The following GPR84 variants were observed in gnomAD, a reference collection of about 807,000 sequenced individuals.
GPR84 encodes G-protein coupled receptor 84.
Under a neutral mutation model 14.9 loss-of-function variants are expected in GPR84, and 8 were observed. That is an observed-to-expected ratio of 0.54 (90% confidence interval 0.31 to 0.97). The LOEUF is 0.97. Ranked by LOEUF, GPR84 falls within the 50% of genes least tolerant of loss-of-function variation. The pLI, the probability that GPR84 is intolerant of heterozygous loss-of-function variation, is 0.04. For missense variants in GPR84, 424 were observed against 498.7 expected (o/e 0.85, Z 1.43); for synonymous variants, 164 against 198.1 (o/e 0.83, Z 1.45).
chr12:54,363,134 C>T lies in GPR84; in HGVS notation c.718G>A (p.Glu240Lys). ...CCTGATGCTAACCTGCTGTCCAGCT[C>T]CTGGAAACGACCAGGCATGGCCTCA... is the stretch of plus-strand genomic sequence containing the variant. ...TDEAMPGRFQ[E>K]LDSRLASGGP... The change falls in exon 2 of 2, where the codon GAG becomes AAG. Residue 240 changes from glutamate (E) to lysine (K), a missense_variant. Transcript: ENST00000267015. The T allele has an allele frequency of 1.9e-6, 3 of 1,614,228 alleles. No individual in the cohort carries two copies. Among genetic ancestry groups the T allele is most frequent in the Non-Finnish European group, 1.7e-6 (2 of 1,180,044 alleles).
Position 54,363,055 on chromosome 12 carries a change from G to A in GPR84, c.797C>T (p.Thr266Ile). 6.2e-7 allele frequency: 1 copy of A among 1,614,164 alleles called. No homozygotes were observed. Among genetic ancestry groups the A allele is most frequent in the Non-Finnish European group, 8.5e-7 (1 of 1,180,026 alleles). The change falls in exon 2 of 2, where the codon ACC (threonine) becomes ATC (isoleucine). Residue 266 changes from threonine to isoleucine, a missense_variant. Transcript: ENST00000267015. Reference protein sequence around the residue: ...SEPVSAATTQTLEGDSSEVGD... With the variant: ...SEPVSAATTQILEGDSSEVGD... ...CACTTCTGATGAGTCCCCTTCCAGG[G>A]TCTGGGTGGTGGCAGCACTGACTGG...
At chr12:54,355,356 G>A in the GPR84 span, among the ~76,000 whole-genome samples, 1 of 151,902 alleles carries the variant, frequency 6.6e-6, no homozygotes, top group African/African-American at 2.4e-5. Context: ...GTGTGTGTGC[G>A]CATGGCACAT....
chr12:54,354,057 T>C, the GPR84 span, among the ~76,000 whole-genome samples: 2 of 152,084 alleles, frequency 1.3e-5, no homozygotes, highest in African/African-American at 2.4e-5. Context: ...GAGAGAACTT[T>C]AAGTCCGCAC....
chr12:54,364,103 AAT>A, intron 1 of GPR84: 1 of 419,606 alleles, frequency 2.4e-6, no homozygotes, highest in Non-Finnish European at 4.3e-6. Context: ...CTCTTGCCTA[AAT>A]ATCTTAGTCT....
chr12:54,363,693 G>T lies in GPR84; in HGVS notation c.159C>A (p.Thr53=). The stretch of plus-strand genomic sequence containing the variant: ...GGTTGGCTATGAGCAGGTTGAATCG[G>T]GTACGGAGCTTGGGCTGGATGGCCA... ...LALAIQPKLR[T]RFNLLIANLT... is the part of the protein sequence containing the mutation. The change falls in exon 2 of 2, where the codon ACC becomes ACA. Residue 53 remains threonine (T), a synonymous_variant. Transcript: ENST00000267015. 6.2e-7 allele frequency: 1 copy of T among 1,614,072 alleles called. No homozygotes were observed. The highest frequency in any genetic ancestry group is 8.5e-7 in the Non-Finnish European group (1 of 1,179,992).
chr12:54,351,645 C>G, the GPR84 span: 4 of 152,216 alleles, frequency 2.6e-5, no homozygotes, highest in African/African-American at 9.7e-5. Flanking sequence ...AGAACTTCCT[C>G]CCCACAAAAA....
downstream of GPR84, among the ~76,000 whole-genome samples, chr12:54,359,262 G>T (rs182026945): frequency 6.6e-6 from 1 of 152,174 alleles, no homozygotes; most frequent in African/African-American, 2.4e-5. Flanking sequence ...TCGTAAATCG[G>T]CCTGTCAAGC....
the GPR84 span, among the ~76,000 whole-genome samples, chr12:54,356,128 G>A: frequency 9.9e-3 from 1,511 of 152,216 alleles, 24 homozygotes; most frequent in African/African-American, 0.034. Context: ...ACAGATGAGA[G>A]GGACTGTCCT....
the GPR84 span, among the ~76,000 whole-genome samples, chr12:54,355,749 T>G: frequency 6.6e-6 from 1 of 152,090 alleles, no homozygotes; most frequent in Non-Finnish European, 1.5e-5. Context: ...AAAGACAGGA[T>G]TTATCACCAG....
chr12:54,352,619 G>A, the GPR84 span, among the ~76,000 whole-genome samples: 49 of 152,242 alleles, frequency 3.2e-4, no homozygotes, highest in Non-Finnish European at 6.5e-4. Flanking sequence ...ATTAAGCAAG[G>A]GAGACCAAAT....
the GPR84 span, among the ~76,000 whole-genome samples, chr12:54,353,396 G>A: frequency 6.0e-5 from 9 of 151,232 alleles, no homozygotes; most frequent in South Asian, 8.4e-4. Context: ...CCTGAACAGT[G>A]CCAGACACCT....
chr12:54,358,596 T>C (rs572787918), downstream of GPR84, among the ~76,000 whole-genome samples: 15 of 152,220 alleles, frequency 9.9e-5, no homozygotes, highest in African/African-American at 3.6e-4. Flanking sequence ...TTCAGAGCCA[T>C]TGTGTGAAAA....
At position 54,363,697 on chromosome 12, in the gene GPR84, C is replaced by T. The variant is rs149788476; in HGVS notation, c.155G>A (p.Arg52His). 706 of 1,613,988 alleles carry T rather than the reference C, an allele frequency of 4.4e-4. 1 individual carries two copies. The highest frequency in any genetic ancestry group is 4.6e-4 in the Non-Finnish European group (537 of 1,179,946). The change falls in exon 2 of 2, where the codon CGT (arginine) becomes CAT (histidine). Residue 52 changes from arginine to histidine, a missense_variant. By Grantham distance (29) the Arg-to-His change is conservative. Transcript: ENST00000267015. The stretch of plus-strand genomic sequence containing the variant: ...GGCTATGAGCAGGTTGAATCGGGTA[C>T]GGAGCTTGGGCTGGATGGCCAAGGC... ...LLALAIQPKLRTRFNLLIANL... is the reference protein window; with the variant it reads ...LLALAIQPKLHTRFNLLIANL...
chr12:54,351,978 C>G, the GPR84 span: 2 of 152,174 alleles, frequency 1.3e-5, no homozygotes, highest in Non-Finnish European at 1.5e-5. Context: ...CAGTGCCCCC[C>G]CATCCCTAAT....
chr12:54,354,199 C>T, the GPR84 span, among the ~76,000 whole-genome samples: 2 of 151,216 alleles, frequency 1.3e-5, no homozygotes, highest in African/African-American at 2.4e-5. Context: ...ACTGCAGTCT[C>T]GACCTCCCTG....
At chr12:54,354,419 G>T in the GPR84 span, among the ~76,000 whole-genome samples, 1 of 151,092 alleles carries the variant, frequency 6.6e-6, no homozygotes, top group Non-Finnish European at 1.5e-5. Flanking sequence ...ACCCGGCCTG[G>T]TGTCCTTTTT....
chr12:54,363,448 T>G lies in GPR84; in HGVS notation c.404A>C (p.Lys135Thr). 6.2e-7 allele frequency: 1 copy of G among 1,614,068 alleles called. No individual in the cohort carries two copies. The highest frequency in any genetic ancestry group is 8.5e-7 in the Non-Finnish European group (1 of 1,179,982). ...PKLFPQVFSAKGIVLALVSTW... is the reference protein window; with the variant it reads ...PKLFPQVFSATGIVLALVSTW... The stretch of plus-strand genomic sequence containing the variant: ...GCTCACCAGTGCCAGCACTATCCCC[T>G]TGGCACTGAAAACTTGGGGAAAAAG... The change falls in exon 2 of 2, where the codon AAG (lysine) becomes ACG (threonine). Residue 135 changes from lysine (K) to threonine (T), a missense_variant. Lys to Thr is a moderately conservative substitution (Grantham distance 78, BLOSUM62 -1). Coordinates refer to ENST00000267015, the MANE Select transcript of GPR84 (RefSeq NM_020370.3).
Position 54,363,311 on chromosome 12 carries a change from T to C in GPR84, c.541A>G (p.Ile181Val). 1 of 1,613,978 alleles carries C rather than the reference T, an allele frequency of 6.2e-7. No homozygotes were observed. The highest frequency in any genetic ancestry group is 8.5e-7 in the Non-Finnish European group (1 of 1,179,978). The change falls in exon 2 of 2, where the codon ATC becomes GTC. Residue 181 changes from isoleucine (I) to valine (V), a missense_variant. Physicochemically the swap from Ile to Val is conservative, Grantham distance 29. Transcript: ENST00000267015. ...AGCACAAAGTAGATGCCCATGAGGA[T>C]GGTGGTGTAAGGCCGGCCTCGGATG... ...DRIRGRPYTT[I>V]LMGIYFVLGL...
rs758161369 is a variant in GPR84, at chr12:54,363,640, G to A, written c.212C>T (p.Thr71Met). 9.3e-6 allele frequency: 15 copies of A among 1,613,772 alleles called. No individual in the cohort carries two copies. Among genetic ancestry groups the A allele is most frequent in the South Asian group, 3.3e-5 (3 of 91,062 alleles). ...NLTLADLLYC[T>M]LLQPFSVDTY... ...GTCCACAGAGAAGGGCTGAAGGAGC[G>A]TGCAGTAGAGGAGATCAGCCAGTGT... Residue 71 changes from threonine to methionine, a missense_variant, in exon 2 of 2, where the codon ACG becomes ATG. Thr to Met is a moderately conservative substitution (Grantham distance 81). Coordinates refer to ENST00000267015, the MANE Select transcript of GPR84 (RefSeq NM_020370.3).
Sources: gnomAD v4.1 joint callset for allele counts (sites outside exome capture counted in the v4.1 genomes callset) on GRCh38, gnomAD v4.1.1 for gene constraint, MANE v1.5 for transcripts, NCBI Gene and HGNC (gene_info 2026-07-23, HGNC 2026-07-21) for gene names.